Variants in CDH11 observed in about 807,000 individuals in gnomAD.
CDH11 encodes the protein cadherin 11.
CDH11 carries 11 observed loss-of-function variants against 67.8 expected under a neutral mutation model. The observed-to-expected ratio is 0.16, with a 90% CI of 0.10 to 0.27. The LOEUF (loss-of-function observed/expected upper bound fraction) is 0.27, where lower values mean the gene tolerates loss of function less well. Ranked by LOEUF, CDH11 falls within the 10% of genes least tolerant of loss-of-function variation. CDH11 has a pLI of 1.00. For synonymous variants in CDH11, 419 were observed against 400.0 expected, an observed-to-expected ratio of 1.05 and a Z score of -0.57; for missense variants, 847 against 1,031.2, an observed-to-expected ratio of 0.82 and a Z score of 2.45.
chr16:64,982,566 A>T (rs2072381888), intron 7 of CDH11: 1 of 356,622 alleles, frequency 2.8e-6, no homozygotes, highest in African/African-American at 2.1e-5. Flanking sequence ...CTATATAGCA[A>T]CACTAATGTT....
chr16:64,971,769 G>A (rs1317195081), intron 10 of CDH11, 73 bp from the exon 11 acceptor site: 24 of 1,399,418 alleles, frequency 1.7e-5, no homozygotes, highest in Non-Finnish European at 2.1e-5. Context: ...ATTTCTGGCT[G>A]GCTAGAAAGC....
At chr16:65,020,111 C>A (rs1240427256) in intron 2 of CDH11, among the ~76,000 whole-genome samples, 4 of 152,100 alleles carry the variant, frequency 2.6e-5, no homozygotes, top group African/African-American at 9.7e-5. Flanking sequence ...GATAGAAGTA[C>A]AAATAAGGTA....
At chr16:64,970,349 T>C (rs1332833221) in intron 11 of CDH11, among the ~76,000 whole-genome samples, 3 of 152,192 alleles carry the variant, frequency 2.0e-5, no homozygotes, top group Non-Finnish European at 4.4e-5. Flanking sequence ...TCTGCTTTAA[T>C]CATCAGCACG....
chr16:65,120,745 C>A (rs1038469274), intron 1 of CDH11, among the ~76,000 whole-genome samples: 2 of 152,194 alleles, frequency 1.3e-5, no homozygotes, highest in African/African-American at 4.8e-5. Context: ...ACCTAGAAAA[C>A]CTTTCACCCG....
chr16:65,104,211 T>C (rs546084104), intron 1 of CDH11, among the ~76,000 whole-genome samples: 38 of 152,290 alleles, frequency 2.5e-4, no homozygotes, highest in Non-Finnish European at 4.9e-4. Flanking sequence ...GACACCTTCA[T>C]AAGCAGAGGA....
chr16:64,982,921 T>C (rs1307667826), intron 7 of CDH11: 4 of 152,288 alleles, frequency 2.6e-5, no homozygotes, highest in African/African-American at 9.7e-5. Flanking sequence ...TAATTCTTTC[T>C]TTTCCAAGTC....
intron 1 of CDH11, among the ~76,000 whole-genome samples, chr16:65,095,087 G>A (rs2074865793): frequency 6.6e-6 from 1 of 152,132 alleles, no homozygotes; most frequent in East Asian, 1.9e-4. Flanking sequence ...CTCTAATGTA[G>A]GTAGGTCATA....
intron 9 of CDH11, 33 bp from the exon 10 acceptor site, chr16:64,972,097 G>A: frequency 1.9e-6 from 3 of 1,608,802 alleles, no homozygotes; most frequent in Non-Finnish European, 2.6e-6. Flanking sequence ...GTCAAGAAAG[G>A]TCAAGGAGAA....
rs538884783 is a variant in CDH11 at position 65,021,488 on chromosome 16, A to C, written c.-172-16447T>G. Among the ~76,000 whole-genome samples the C allele has an allele frequency of 2.6e-5, 4 of 152,060 alleles. No homozygotes were observed. In the East Asian group the frequency reaches 7.7e-4, roughly 29 times the overall value. Reference sequence around the variant, plus strand: ...AAACAATTCAGTCATCTGAGAAGAAAAAAGCTTTTCTTATTTCAGAGAAAC... The same window carrying C: ...AAACAATTCAGTCATCTGAGAAGAACAAAGCTTTTCTTATTTCAGAGAAAC... On this transcript the variant is annotated intron_variant, in intron 2 of 12. Coordinates refer to ENST00000268603, the MANE Select transcript of CDH11 (RefSeq NM_001797.4).
In CDH11 at chr16:64,946,552, A is replaced by G; in HGVS notation, c.*1051T>C. On this transcript the variant is annotated 3_prime_UTR_variant, in exon 13 of 13. Transcript: ENST00000268603. ...TAGAAGATGTGTGTGAAGAGAAGCCAGGAGGTTAACACCAAGAATGTACAA... is the reference window on the plus strand; with the variant it reads ...TAGAAGATGTGTGTGAAGAGAAGCCGGGAGGTTAACACCAAGAATGTACAA... The G allele has an allele frequency of 9.7e-7, 1 of 1,033,146 alleles. No homozygotes were observed. Among genetic ancestry groups the G allele is most frequent in the Non-Finnish European group, 1.2e-6 (1 of 858,730 alleles). 64.0% of individuals were successfully genotyped at this position (1,033,146 alleles called of 1,614,324 possible).
intron 1 of CDH11, among the ~76,000 whole-genome samples, chr16:65,075,443 G>T (rs1357950179): frequency 6.6e-6 from 1 of 152,106 alleles, no homozygotes; most frequent in Non-Finnish European, 1.5e-5. Context: ...ATGTAAATAG[G>T]CCTCTTGACT....
At chr16:65,084,212 C>T (rs76734973) in intron 1 of CDH11, among the ~76,000 whole-genome samples, 2 of 152,268 alleles carry the variant, frequency 1.3e-5, no homozygotes, top group South Asian at 2.1e-4. Context: ...TCTAAGGCCA[C>T]GTGTGATGGC....
intron 3 of CDH11, among the ~76,000 whole-genome samples, chr16:65,003,231 T>C (rs2072967731): frequency 6.6e-6 from 1 of 151,862 alleles, no homozygotes. Flanking sequence ...TTGTTAATAA[T>C]CATCTTTTTT....
chr16:65,006,505 CCAAT>C (rs2073057748), intron 2 of CDH11, among the ~76,000 whole-genome samples: 1 of 152,118 alleles, frequency 6.6e-6, no homozygotes, highest in South Asian at 2.1e-4. Flanking sequence ...TCTGGGCATG[CCAAT>C]CAATCACTCT....
chr16:64,991,185 G>T (rs758211353), intron 6 of CDH11, among the ~76,000 whole-genome samples: 10 of 152,122 alleles, frequency 6.6e-5, no homozygotes, highest in Non-Finnish European at 1.0e-4. Flanking sequence ...CAGAAAGGAA[G>T]CAGCAATCAA....
intron 1 of CDH11, among the ~76,000 whole-genome samples, chr16:65,059,900 T>G (rs929752986): frequency 5.9e-5 from 9 of 152,252 alleles, no homozygotes; most frequent in Admixed American, 3.9e-4. Flanking sequence ...AACAGTCATC[T>G]AGCATATGAG....
intron 1 of CDH11, among the ~76,000 whole-genome samples, chr16:65,072,591 T>C (rs1044741369): frequency 6.6e-6 from 1 of 152,188 alleles, no homozygotes. Flanking sequence ...ACTCTTATTG[T>C]TTTAGGGAGC....
intron 2 of CDH11, among the ~76,000 whole-genome samples, chr16:65,038,704 C>T (rs1410578467): frequency 1.3e-5 from 2 of 152,140 alleles, no homozygotes; most frequent in Non-Finnish European, 2.9e-5. Context: ...AGAGAAGGAG[C>T]CCAAAATAGA....
chr16:65,038,074 G>C (rs2073789818), intron 2 of CDH11, among the ~76,000 whole-genome samples: 1 of 151,986 alleles, frequency 6.6e-6, no homozygotes, highest in African/African-American at 2.4e-5. Flanking sequence ...GAGGAAAGAA[G>C]ACATCTGCTG....
Sources: allele counts gnomAD v4.1 joint callset (sites outside exome capture counted in the v4.1 genomes callset), GRCh38; gene constraint gnomAD v4.1.1; transcripts MANE v1.5; gene names NCBI Gene and HGNC (gene_info 2026-07-23, HGNC 2026-07-21).